The following FYN variants were observed in gnomAD, a reference collection of about 807,000 sequenced individuals.
FYN encodes the protein FYN proto-oncogene, Src family tyrosine kinase, also known as tyrosine-protein kinase Fyn.
In FYN, 10 loss-of-function variants were observed where a neutral mutation model predicts 70.2. The observed-to-expected ratio is 0.14, with a 90% CI of 0.09 to 0.24. FYN has a LOEUF of 0.24. Among genes scored for constraint, FYN ranks in the 10% least tolerant of loss-of-function variants. The pLI, the probability that FYN is intolerant of heterozygous loss-of-function variation, is 1.00. For missense variants in FYN, 319 were observed against 673.1 expected (o/e 0.47, Z 5.82); for synonymous variants, 236 against 248.6 (o/e 0.95, Z 0.48).
chr6:111,796,199 T>C (rs1047799933), intron 2 of FYN, among the ~76,000 whole-genome samples: 1 of 152,214 alleles, frequency 6.6e-6, no homozygotes, highest in Non-Finnish European at 1.5e-5. Flanking sequence ...ACCACAAATG[T>C]TCTCTTTTAA....
chr6:111,830,841 T>C (rs1042269221), intron 2 of FYN, among the ~76,000 whole-genome samples: 8 of 152,038 alleles, frequency 5.3e-5, no homozygotes, highest in African/African-American at 1.7e-4. Context: ...TTTAGACTGA[T>C]TGGTAAAATG....
intron 5 of FYN, among the ~76,000 whole-genome samples, chr6:111,709,506 C>T (rs1800267650): frequency 6.6e-6 from 1 of 151,984 alleles, no homozygotes; most frequent in African/African-American, 2.4e-5. Flanking sequence ...ACAGAATAGC[C>T]CACAAAAAAA....
intron 1 of FYN, among the ~76,000 whole-genome samples, chr6:111,848,591 G>T (rs1252767291): frequency 1.3e-5 from 2 of 152,126 alleles, no homozygotes; most frequent in African/African-American, 4.8e-5. Flanking sequence ...CCATCATTCT[G>T]CAGCCATAAA....
intron 12 of FYN, among the ~76,000 whole-genome samples, chr6:111,693,822 T>A (rs904753865): frequency 3.3e-5 from 5 of 152,046 alleles, no homozygotes; most frequent in African/African-American, 1.2e-4. Context: ...TAGAGTGGGG[T>A]TGGGTGTGAA....
At chr6:111,716,791 T>C (rs1047876462) in intron 4 of FYN, among the ~76,000 whole-genome samples, 5 of 151,716 alleles carry the variant, frequency 3.3e-5, no homozygotes, top group Admixed American at 3.3e-4. Context: ...TAATTTTTTT[T>C]TTTTTTTTTT....
intron 1 of FYN, among the ~76,000 whole-genome samples, chr6:111,863,788 G>A (rs1027228377): frequency 5.3e-5 from 8 of 152,170 alleles, no homozygotes; most frequent in African/African-American, 1.9e-4. Context: ...TACAAGTTAA[G>A]AGGTCTTTCT....
In FYN at chr6:111,711,101, G is replaced by A. The variant is rs560583250; in HGVS notation, c.345-3081C>T. ...CTACCCCCAAACCCCAAAGTTGCTCGTAGGCTTGTGGGCCCCGGAGCTGGG... is the reference window on the plus strand; with the variant it reads ...CTACCCCCAAACCCCAAAGTTGCTCATAGGCTTGTGGGCCCCGGAGCTGGG... On this transcript the variant is annotated intron_variant, in intron 5 of 13. Transcript: ENST00000354650. Among the ~76,000 whole-genome samples the A allele has an allele frequency of 3.8e-3, 583 of 152,270 alleles. 1 individual carries two copies. The highest frequency in any genetic ancestry group is 0.013 in the African/African-American group (550 of 41,556).
chr6:111,865,589 G>A (rs543572414), intron 1 of FYN, among the ~76,000 whole-genome samples: 1 of 152,192 alleles, frequency 6.6e-6, no homozygotes, highest in East Asian at 1.9e-4. Flanking sequence ...TACCATTCAG[G>A]CTTCTCATGT....
chr6:111,873,050 G>C lies in FYN; in HGVS notation c.-205C>G, dbSNP rs1437486810. 1 of 148,664 alleles carries C rather than the reference G, an allele frequency of 6.7e-6. No homozygotes were observed. The highest frequency in any genetic ancestry group is 2.4e-5 in the African/African-American group (1 of 40,864). 9.2% of individuals were successfully genotyped at this position (148,664 alleles called of 1,614,324 possible). A position where few individuals can be genotyped will look rare whatever the true frequency, so the allele number is the denominator to read the frequency against. On this transcript the variant is annotated 5_prime_UTR_variant, in exon 1 of 14. Transcript: ENST00000354650. Reference sequence around the variant, plus strand: ...GGCGCGGCCGAGGCGGCTCCGGGGGGTCCCCGGCGGGCCCGGGAGCCGGTG... The same window carrying C: ...GGCGCGGCCGAGGCGGCTCCGGGGGCTCCCCGGCGGGCCCGGGAGCCGGTG...
chr6:111,687,786 G>A (rs1799086530), intron 12 of FYN, among the ~76,000 whole-genome samples: 1 of 152,156 alleles, frequency 6.6e-6, no homozygotes, highest in African/African-American at 2.4e-5. Context: ...TCACAGGGAA[G>A]CCATACAATT....
intron 2 of FYN, among the ~76,000 whole-genome samples, chr6:111,810,439 C>T (rs555760793): frequency 1.1e-4 from 16 of 152,136 alleles, no homozygotes; most frequent in Non-Finnish European, 1.8e-4. Context: ...GAATATTCTG[C>T]GGTATTGAAA....
At chr6:111,728,704 T>A (rs568196115) in intron 3 of FYN, among the ~76,000 whole-genome samples, 13 of 152,358 alleles carry the variant, frequency 8.5e-5, no homozygotes, top group African/African-American at 2.9e-4. Context: ...CTAAAAGATA[T>A]TCTACTGTAT....
intron 12 of FYN, among the ~76,000 whole-genome samples, chr6:111,685,838 C>T (rs1360208239): frequency 2.6e-5 from 4 of 152,138 alleles, no homozygotes; most frequent in Non-Finnish European, 5.9e-5. Flanking sequence ...AAGAGATGCT[C>T]ACACAGAATA....
intron 1 of FYN, among the ~76,000 whole-genome samples, chr6:111,857,679 C>T (rs1773857991): frequency 6.6e-6 from 1 of 151,652 alleles, no homozygotes; most frequent in Non-Finnish European, 1.5e-5. Flanking sequence ...ATGATCATTG[C>T]ATTTCTACTT....
chr6:111,687,715 A>G (rs1799082239), intron 12 of FYN, among the ~76,000 whole-genome samples: 1 of 152,118 alleles, frequency 6.6e-6, no homozygotes, highest in Admixed American at 6.5e-5. Flanking sequence ...TACTATTACT[A>G]CTACTGCCAA....
chr6:111,861,131 G>A (rs190216206), intron 1 of FYN, among the ~76,000 whole-genome samples: 13 of 150,384 alleles, frequency 8.6e-5, no homozygotes, highest in Middle Eastern at 3.4e-3. Context: ...CATTCTAGAA[G>A]TACTGAAAAC....
chr6:111,867,039 T>C (rs765463306), intron 1 of FYN, among the ~76,000 whole-genome samples: 5 of 152,218 alleles, frequency 3.3e-5, no homozygotes, highest in Non-Finnish European at 5.9e-5. Context: ...TCTCCCATTC[T>C]GGGCCTGACT....
intron 13 of FYN, among the ~76,000 whole-genome samples, chr6:111,665,690 C>T (rs1336748476): frequency 2.0e-5 from 3 of 151,770 alleles, no homozygotes; most frequent in Non-Finnish European, 2.9e-5. Flanking sequence ...GGTGTGATCT[C>T]GGCTCACTGC....
intron 3 of FYN, chr6:111,754,734 A>T (rs954584255): frequency 1.3e-5 from 2 of 152,168 alleles, no homozygotes; most frequent in African/African-American, 4.8e-5. Flanking sequence ...AATATACAGT[A>T]GTTTCCTGAG....
Sources: allele counts gnomAD v4.1 joint callset (sites outside exome capture counted in the v4.1 genomes callset), GRCh38; gene constraint gnomAD v4.1.1; transcripts MANE v1.5; gene names NCBI Gene and HGNC (gene_info 2026-07-23, HGNC 2026-07-21).